The following PPARGC1B variants were observed in gnomAD, a reference collection of about 807,000 sequenced individuals.
PPARGC1B encodes peroxisome proliferator-activated receptor gamma coactivator 1-beta.
Under a neutral mutation model 101.6 loss-of-function variants are expected in PPARGC1B, and 34 were observed. That is an observed-to-expected ratio of 0.33 (90% CI 0.25 to 0.45). The LOEUF (loss-of-function observed/expected upper bound fraction) is 0.45, where lower values mean the gene tolerates loss of function less well. Among genes scored for constraint, PPARGC1B ranks in the 20% least tolerant of loss-of-function variants. The probability of loss-of-function intolerance (pLI) is 1.00; values close to 1 mark genes in which losing one functional copy is unlikely to be tolerated. For synonymous variants in PPARGC1B, 548 were observed against 539.3 expected, an observed-to-expected ratio of 1.02 and a Z score of -0.22; for missense variants, 1,234 against 1,317.6, an observed-to-expected ratio of 0.94 and a Z score of 0.98.
At chr5:149,786,011 C>T (rs534516826) in intron 1 of PPARGC1B, among the ~76,000 whole-genome samples, 94 of 152,068 alleles carry the variant, frequency 6.2e-4, no homozygotes, top group Non-Finnish European at 1.2e-3. Context: ...CTCGACCTCC[C>T]GGGCTCAAGG....
rs141437389 is a variant in PPARGC1B, at chr5:149,836,912, C to T, written c.2457C>T (p.Asp819=). 47 of 1,613,362 alleles carry T rather than the reference C, an allele frequency of 2.9e-5. No homozygotes were observed. The highest frequency in any genetic ancestry group is 6.7e-5 in the Admixed American group (4 of 59,996). ...AAGAAGGGGAGGAGGAGGAGGAGGA[C>T]GATGAAGAAGAGGACTCAGGGGTCA... ...EEEEGEEEEE[D]DEEEDSGVSP... is the part of the protein sequence containing the mutation. Residue 819 remains aspartate (D), a synonymous_variant, in exon 8 of 12, where the codon GAC becomes GAT. Coordinates refer to ENST00000309241, the MANE Select transcript of PPARGC1B (RefSeq NM_133263.4).
chr5:149,824,732 G>A (rs115298018), intron 2 of PPARGC1B, among the ~76,000 whole-genome samples: 184 of 152,242 alleles, frequency 1.2e-3, no homozygotes, highest in African/African-American at 4.3e-3. Flanking sequence ...GGGGGTGGGG[G>A]CAGCCAATGA....
chr5:149,818,999 A>G (rs1758166777), intron 1 of PPARGC1B: 2 of 397,914 alleles, frequency 5.0e-6, no homozygotes, highest in Admixed American at 2.8e-5. Context: ...CAGCCCCCCA[A>G]CTCAGGCTAT....
chr5:149,748,884 A>T (rs1052471879), intron 1 of PPARGC1B, among the ~76,000 whole-genome samples: 2 of 152,184 alleles, frequency 1.3e-5, no homozygotes, highest in African/African-American at 2.4e-5. Flanking sequence ...GCTCTGCAGA[A>T]GGGGAAAGGC....
Position 149,832,985 on chromosome 5 carries a change from G to T in PPARGC1B, c.912G>T (p.Leu304=). 6.2e-7 allele frequency: 1 copy of T among 1,613,430 alleles called. No individual in the cohort carries two copies. Among genetic ancestry groups the T allele is most frequent in the African/African-American group, 1.3e-5 (1 of 75,032 alleles). ...MHTYCLPQRK[L]PPQTPEPLPK... The stretch of plus-strand genomic sequence containing the variant: ...CCTACTGCCTCCCCCAGAGGAAGCT[G>T]CCCCCACAGACCCCTGAGCCACTCC... Residue 304 remains leucine, a synonymous_variant, in exon 5 of 12, where the codon CTG becomes CTT. Transcript: ENST00000309241. The surrounding 1 kb of genome is among the most constrained non-coding windows in gnomAD (Gnocchi z 4.9).
Position 149,849,353 on chromosome 5 carries a change from A to G in PPARGC1B, c.*1795A>G, listed in dbSNP as rs187541052. 6.6e-5 allele frequency: 10 copies of G among 152,370 alleles called. No individual in the cohort carries two copies. Among genetic ancestry groups the G allele is most frequent in the African/African-American group, 2.4e-4 (10 of 41,594 alleles). The allele number at this position is 152,370 out of a possible 1,614,324, so 9.4% of individuals were successfully genotyped here. ...AATTTGAACTGTTGTGTGTCACAGC[A>G]GTTGACCTCTCTGGACTCCAATTTC... On this transcript the variant is annotated 3_prime_UTR_variant, in exon 12 of 12. Transcript: ENST00000309241.
At chr5:149,796,361 A>C (rs11951823) in intron 1 of PPARGC1B, among the ~76,000 whole-genome samples, 3 of 152,152 alleles carry the variant, frequency 2.0e-5, no homozygotes. Flanking sequence ...TGGCTGTGGC[A>C]TGGTCAGTGA....
At chr5:149,773,550 T>C (rs551186427) in intron 1 of PPARGC1B, among the ~76,000 whole-genome samples, 2 of 151,922 alleles carry the variant, frequency 1.3e-5, no homozygotes, top group African/African-American at 4.8e-5. Context: ...CCCTCCCAGG[T>C]CCCTCCTCAC....
intron 1 of PPARGC1B, among the ~76,000 whole-genome samples, chr5:149,785,925 T>TC (rs1756787525): frequency 6.6e-6 from 1 of 151,090 alleles, no homozygotes; most frequent in Non-Finnish European, 1.5e-5. Context: ...CTTTTTTTTT[T>TC]TTTTTTCTTT....
intron 1 of PPARGC1B, among the ~76,000 whole-genome samples, chr5:149,753,755 G>A (rs1440428750): frequency 6.6e-6 from 1 of 151,876 alleles, no homozygotes; most frequent in East Asian, 1.9e-4. Context: ...GTGCAGTGGT[G>A]TGATCTCGGC....
intron 1 of PPARGC1B, among the ~76,000 whole-genome samples, chr5:149,815,203 CT>C (rs1758008124): frequency 6.6e-6 from 1 of 152,142 alleles, no homozygotes; most frequent in African/African-American, 2.4e-5. Context: ...AAAAGGTGTG[CT>C]GAAGCCCTAA....
chr5:149,766,531 G>A (rs979023623), intron 1 of PPARGC1B, among the ~76,000 whole-genome samples: 1 of 152,144 alleles, frequency 6.6e-6, no homozygotes, highest in East Asian at 1.9e-4. Context: ...GCTTTCATGT[G>A]GCAGAGCTGG....
chr5:149,841,402 TC>T (rs1759330175), intron 9 of PPARGC1B, among the ~76,000 whole-genome samples: 1 of 152,106 alleles, frequency 6.6e-6, no homozygotes, highest in African/African-American at 2.4e-5. Context: ...GATGTACAGT[TC>T]CCCTGACTGT....
At chr5:149,799,688 T>TA (rs1757360744) in intron 1 of PPARGC1B, among the ~76,000 whole-genome samples, 1 of 89,688 alleles carries the variant, frequency 1.1e-5, no homozygotes, top group African/African-American at 5.4e-5. Context: ...TGTTTGCTTG[T>TA]TGTTGTTTTT....
chr5:149,781,297 T>G (rs899035159), intron 1 of PPARGC1B, among the ~76,000 whole-genome samples: 4 of 152,012 alleles, frequency 2.6e-5, no homozygotes, highest in African/African-American at 9.7e-5. Context: ...ATGGGAGATA[T>G]GAGAGGGCAG....
chr5:149,740,597 G>C (rs1350435410), intron 1 of PPARGC1B, among the ~76,000 whole-genome samples: 1 of 152,206 alleles, frequency 6.6e-6, no homozygotes, highest in Non-Finnish European at 1.5e-5. Flanking sequence ...ATACCCAATA[G>C]TGGTTAAGAG....
chr5:149,755,615 GTTA>G (rs142788730), intron 1 of PPARGC1B, among the ~76,000 whole-genome samples: 110,503 of 136,918 alleles, frequency 0.81, 44,758 homozygotes, highest in Non-Finnish European at 0.86. Context: ...TATTATTATT[GTTA>G]TTATTATTAT....
chr5:149,732,911 C>A, intron 1 of PPARGC1B: 1 of 426,030 alleles, frequency 2.3e-6, no homozygotes, highest in Middle Eastern at 3.5e-4. Flanking sequence ...ACCTTCCCCA[C>A]TCTCTGGCTG....
intron 1 of PPARGC1B, chr5:149,761,491 A>G (rs936311987): frequency 6.6e-6 from 1 of 152,088 alleles, no homozygotes; most frequent in African/African-American, 2.4e-5. Context: ...TATCCAAAGG[A>G]AATGAAATCA....
Sources: gnomAD v4.1 joint callset for allele counts (sites outside exome capture counted in the v4.1 genomes callset) on GRCh38, gnomAD v4.1.1 for gene constraint, Gnocchi (gnomAD v3.1) non-coding constraint, MANE v1.5 for transcripts, NCBI Gene and HGNC (gene_info 2026-07-23, HGNC 2026-07-21) for gene names.